The following SNX29 variants were observed in gnomAD, a reference collection of about 807,000 sequenced individuals.
SNX29 encodes the protein sorting nexin 29, also known as sorting nexin-29.
A neutral mutation model predicts 102.1 loss-of-function variants in SNX29; 78 were observed. The observed-to-expected ratio is 0.76, with a 90% CI of 0.64 to 0.92. The LOEUF is 0.92. Among genes scored for constraint, SNX29 ranks in the 40% least tolerant of loss-of-function variants. The pLI, the probability that SNX29 is intolerant of heterozygous loss-of-function variation, is 0.00. For synonymous variants in SNX29, 580 were observed against 414.5 expected, an observed-to-expected ratio of 1.40 and a Z score of -4.85; for missense variants, 1,280 against 1,061.7, an observed-to-expected ratio of 1.21 and a Z score of -2.86.
intron 15 of SNX29, among the ~76,000 whole-genome samples, chr16:12,309,514 T>C (rs1256168104): frequency 6.6e-6 from 1 of 152,172 alleles, no homozygotes; most frequent in African/African-American, 2.4e-5. Context: ...AGACATTTAT[T>C]TGTGTCCTGT....
In SNX29 at chr16:12,267,708, G is replaced by A. The variant is rs144375098; in HGVS notation, c.1679-10225G>A. Among the ~76,000 whole-genome samples the A allele has an allele frequency of 2.7e-3, 405 of 152,258 alleles. 5 individuals carry two copies. Among genetic ancestry groups the A allele is most frequent in the African/African-American group, 9.0e-3 (373 of 41,548 alleles). ...AGGCTGTTGGGTAACCGCATTCCTC[G>A]CAATGGAACGGCAAGTTATCTTTTG... On this transcript the variant is annotated intron_variant, in intron 14 of 20. Coordinates refer to ENST00000566228, the MANE Select transcript of SNX29 (RefSeq NM_032167.5).
chr16:12,419,970 C>T (rs1489987054), intron 18 of SNX29, among the ~76,000 whole-genome samples: 1 of 152,264 alleles, frequency 6.6e-6, no homozygotes, highest in African/African-American at 2.4e-5. Context: ...AGGCTGCCCA[C>T]AGCTCAGGCT....
intron 13 of SNX29, among the ~76,000 whole-genome samples, chr16:12,165,201 T>G (rs1276642261): frequency 6.6e-6 from 1 of 152,240 alleles, no homozygotes; most frequent in Non-Finnish European, 1.5e-5. Context: ...GCCTGTGTTT[T>G]TGCTTTGGAA....
At chr16:11,986,415 A>C (rs2055629512) in intron 1 of SNX29, among the ~76,000 whole-genome samples, 1 of 152,072 alleles carries the variant, frequency 6.6e-6, no homozygotes, top group African/African-American at 2.4e-5. Context: ...ATGACATTAA[A>C]AACTATTGTG....
intron 15 of SNX29, among the ~76,000 whole-genome samples, chr16:12,287,353 G>A (rs901069940): frequency 5.3e-5 from 8 of 152,210 alleles, no homozygotes; most frequent in Non-Finnish European, 1.2e-4. Context: ...GAGGCAGGCT[G>A]TATCTCACAG....
At chr16:12,535,132 T>G (rs2077038531) in intron 20 of SNX29, among the ~76,000 whole-genome samples, 2 of 152,162 alleles carry the variant, frequency 1.3e-5, no homozygotes, top group Admixed American at 1.3e-4. Context: ...GTCCAGGTAT[T>G]AGGCCAGGAG....
chr16:12,230,721 C>T (rs1478030689), intron 14 of SNX29, among the ~76,000 whole-genome samples: 4 of 152,156 alleles, frequency 2.6e-5, no homozygotes, highest in Admixed American at 6.5e-5. Flanking sequence ...AAAGTGAATA[C>T]GTTAATACTG....
At chr16:12,278,093 T>C in intron 15 of SNX29, 57 bp downstream of exon 15, 4 of 1,475,710 alleles carry the variant, frequency 2.7e-6, no homozygotes, top group Non-Finnish European at 2.8e-6. Context: ...GTTGGAGACT[T>C]TCCAGGGTAG....
Position 12,446,405 on chromosome 16 carries a change from T to C in SNX29, c.2038-31314T>C, listed in dbSNP as rs185095801. Among the ~76,000 whole-genome samples the C allele has an allele frequency of 7.0e-4, 106 of 152,314 alleles. 1 individual carries two copies. The highest frequency in any genetic ancestry group is 2.5e-3 in the African/African-American group (103 of 41,574). On this transcript the variant is annotated intron_variant, in intron 18 of 20. Transcript: ENST00000566228. The stretch of plus-strand genomic sequence containing the variant: ...CTCCTTTCAGAGTCTCTGCCTAGAA[T>C]CTTAAAAGCTCAGCAGAGTCATTAA...
intron 18 of SNX29, among the ~76,000 whole-genome samples, chr16:12,436,759 T>C (rs989290242): frequency 1.3e-5 from 2 of 152,238 alleles, no homozygotes; most frequent in Non-Finnish European, 2.9e-5. Context: ...GTTCAAGCAA[T>C]TGTACTGCCT....
At chr16:12,341,757 C>T (rs146126762) in intron 15 of SNX29, among the ~76,000 whole-genome samples, 228 of 152,318 alleles carry the variant, frequency 1.5e-3, no homozygotes, top group African/African-American at 5.3e-3. Flanking sequence ...ACCTGGAACT[C>T]GTTGGCCCTA....
intron 18 of SNX29, among the ~76,000 whole-genome samples, chr16:12,412,136 C>T (rs1452465910): frequency 2.0e-5 from 3 of 152,196 alleles, no homozygotes; most frequent in African/African-American, 7.2e-5. Flanking sequence ...GTGGGAGAGC[C>T]GGCCATCGGG....
intron 18 of SNX29, among the ~76,000 whole-genome samples, chr16:12,476,440 ATAT>A (rs2087655125): frequency 1.1e-5 from 1 of 94,248 alleles, no homozygotes; most frequent in African/African-American, 4.2e-5. Flanking sequence ...ATATATATAT[ATAT>A]GATGAGAATT....
At chr16:12,481,764 A>G (rs1304546384) in intron 19 of SNX29, among the ~76,000 whole-genome samples, 1 of 152,132 alleles carries the variant, frequency 6.6e-6, no homozygotes, top group Non-Finnish European at 1.5e-5. Flanking sequence ...CAAACTCCTG[A>G]TCTCAAGTGA....
At chr16:12,544,016 C>T (rs546981014) in intron 20 of SNX29, among the ~76,000 whole-genome samples, 2 of 152,326 alleles carry the variant, frequency 1.3e-5, no homozygotes, top group East Asian at 1.9e-4. Context: ...AAGCCCTGGA[C>T]TCTAGACCCC....
chr16:12,453,264 G>C (rs886344900), intron 18 of SNX29, among the ~76,000 whole-genome samples: 1 of 152,136 alleles, frequency 6.6e-6, no homozygotes, highest in Admixed American at 6.6e-5. Flanking sequence ...ATCGAACTCA[G>C]ATGCATTCTC....
At chr16:12,462,327 C>T (rs1567588570) in intron 18 of SNX29, among the ~76,000 whole-genome samples, 1 of 151,982 alleles carries the variant, frequency 6.6e-6, no homozygotes, top group Non-Finnish European at 1.5e-5. Context: ...TTTCAAGTAC[C>T]TCTACAGTTT....
At chr16:12,029,047 T>A (rs749513591) in intron 4 of SNX29, among the ~76,000 whole-genome samples, 1 of 152,112 alleles carries the variant, frequency 6.6e-6, no homozygotes, top group Non-Finnish European at 1.5e-5. Context: ...CGCCTGGCCT[T>A]GGTACTTGTG....
Position 12,274,588 on chromosome 16 carries a change from G to A in SNX29, c.1679-3345G>A, listed in dbSNP as rs79259291. Reference sequence around the variant, plus strand: ...GTCTTGCTCTGTGGCCCAGGACGGAGTGCAGCTATGCCATCTCAGTTCACT... The same window carrying A: ...GTCTTGCTCTGTGGCCCAGGACGGAATGCAGCTATGCCATCTCAGTTCACT... On this transcript the variant is annotated intron_variant, in intron 14 of 20. Coordinates refer to ENST00000566228, the MANE Select transcript of SNX29 (RefSeq NM_032167.5). Among the ~76,000 whole-genome samples the A allele has an allele frequency of 4.5e-3, 684 of 150,980 alleles. 3 individuals are homozygous for A. The highest frequency in any genetic ancestry group is 6.8e-3 in the Non-Finnish European group (464 of 67,856).
Sources: gnomAD v4.1 joint callset for allele counts (sites outside exome capture counted in the v4.1 genomes callset) on GRCh38, gnomAD v4.1.1 for gene constraint, MANE v1.5 for transcripts, NCBI Gene and HGNC (gene_info 2026-07-23, HGNC 2026-07-21) for gene names.